Variants in BMP6 observed in about 807,000 individuals in gnomAD.
BMP6 encodes the protein VG-1-R.
In BMP6, 17 loss-of-function variants were observed where a neutral mutation model predicts 54.1. The observed-to-expected ratio is 0.31, with a 90% CI of 0.22 to 0.47. BMP6 has a LOEUF of 0.47. Ranked by LOEUF, BMP6 falls within the 20% of genes least tolerant of loss-of-function variation. The pLI is 1.00. For missense variants in BMP6, 720 were observed against 690.4 expected (o/e 1.04, Z -0.48); for synonymous variants, 328 against 291.2 (o/e 1.13, Z -1.28).
chr6:7,849,141 C>T (rs1280397505), intron 2 of BMP6, among the ~76,000 whole-genome samples: 1 of 152,194 alleles, frequency 6.6e-6, no homozygotes, highest in African/African-American at 2.4e-5. Context: ...GACACATCCT[C>T]ACACCTCCAT....
intron 2 of BMP6, among the ~76,000 whole-genome samples, chr6:7,847,546 G>A (rs765255823): frequency 2.0e-5 from 3 of 152,206 alleles, no homozygotes; most frequent in Admixed American, 1.3e-4. Context: ...CTGTGTTTAA[G>A]TGAAATTTGT....
chr6:7,818,583 T>G (rs552902225), intron 1 of BMP6, among the ~76,000 whole-genome samples: 3 of 152,380 alleles, frequency 2.0e-5, no homozygotes, highest in African/African-American at 7.2e-5. Context: ...CTTTTCCTGC[T>G]AGACGGTGTT....
chr6:7,763,942 T>C, intron 1 of BMP6, among the ~76,000 whole-genome samples: 1 of 152,174 alleles, frequency 6.6e-6, no homozygotes, highest in Non-Finnish European at 1.5e-5. Context: ...AAAAACTCCG[T>C]TGGATCAAGC....
chr6:7,773,868 C>T (rs1488717060), intron 1 of BMP6, among the ~76,000 whole-genome samples: 1 of 152,162 alleles, frequency 6.6e-6, no homozygotes, highest in Admixed American at 6.5e-5. Flanking sequence ...TCTCCCTCTT[C>T]TGAGTGAGCC....
intron 1 of BMP6, among the ~76,000 whole-genome samples, chr6:7,738,956 C>T (rs949191862): frequency 6.6e-6 from 1 of 152,132 alleles, no homozygotes; most frequent in African/African-American, 2.4e-5. Flanking sequence ...CTTTGTACAT[C>T]CTTAAGAATG....
intron 1 of BMP6, among the ~76,000 whole-genome samples, chr6:7,779,182 G>A (rs1757903620): frequency 6.6e-6 from 1 of 152,206 alleles, no homozygotes; most frequent in African/African-American, 2.4e-5. Context: ...AATATTTGTG[G>A]TGGGTGCCCA....
intron 1 of BMP6, among the ~76,000 whole-genome samples, chr6:7,795,468 G>A (rs112499696): frequency 0.013 from 2,036 of 152,316 alleles, 24 homozygotes; most frequent in Admixed American, 0.024. Flanking sequence ...GATCCCCAAG[G>A]CAGAGGGATG....
chr6:7,746,152 G>C (rs536663218), intron 1 of BMP6, among the ~76,000 whole-genome samples: 1 of 152,114 alleles, frequency 6.6e-6, no homozygotes, highest in African/African-American at 2.4e-5. Flanking sequence ...TGCTGCGGGA[G>C]CCCTGAGAGG....
At chr6:7,868,865 TCTCTCC>T (rs1330387234) in intron 4 of BMP6, among the ~76,000 whole-genome samples, 1 of 151,890 alleles carries the variant, frequency 6.6e-6, no homozygotes, top group African/African-American at 2.4e-5. Context: ...CCTGCCCACC[TCTCTCC>T]CTCTCCCTCC....
intron 4 of BMP6, among the ~76,000 whole-genome samples, chr6:7,869,358 C>T (rs903172240): frequency 1.6e-4 from 24 of 152,360 alleles, no homozygotes; most frequent in African/African-American, 4.8e-4. Flanking sequence ...TCGCTGTGTG[C>T]GTGGCTCTTC....
intron 2 of BMP6, among the ~76,000 whole-genome samples, chr6:7,856,595 ATT>A (rs70982115): frequency 0.36 from 30,059 of 82,864 alleles, 5,310 homozygotes; most frequent in South Asian, 0.61. Flanking sequence ...TATCAAGAGC[ATT>A]TTTTTTTTTT....
chr6:7,756,562 A>G (rs1259170028), intron 1 of BMP6, among the ~76,000 whole-genome samples: 1 of 152,138 alleles, frequency 6.6e-6, no homozygotes, highest in Non-Finnish European at 1.5e-5. Flanking sequence ...TGAGCATGCA[A>G]AGATGCTGTG....
intron 2 of BMP6, among the ~76,000 whole-genome samples, chr6:7,852,173 C>T (rs1487198163): frequency 2.0e-5 from 3 of 152,182 alleles, no homozygotes; most frequent in Non-Finnish European, 2.9e-5. Flanking sequence ...AAAATATGGC[C>T]AAATCACCTT....
intron 2 of BMP6, among the ~76,000 whole-genome samples, chr6:7,851,417 A>G (rs1759140314): frequency 6.6e-6 from 1 of 152,236 alleles, no homozygotes; most frequent in Non-Finnish European, 1.5e-5. Context: ...TTGCTCACAT[A>G]TAGCATACCA....
Position 7,786,770 on chromosome 6 carries a change from G to A in BMP6, c.665-58370G>A, listed in dbSNP as rs150412254. Among the ~76,000 whole-genome samples the A allele has an allele frequency of 1.3e-3, 201 of 152,166 alleles. 3 individuals are homozygous for A. Among genetic ancestry groups the A allele is most frequent in the African/African-American group, 4.5e-3 (187 of 41,518 alleles). On this transcript the variant is annotated intron_variant, in intron 1 of 6. Transcript: ENST00000283147. Reference sequence around the variant, plus strand: ...TTGACTTATAATGTATGTCTCCCTCGGAACATCAGGTAGAAAAGCCCCATG... The same window carrying A: ...TTGACTTATAATGTATGTCTCCCTCAGAACATCAGGTAGAAAAGCCCCATG...
At chr6:7,740,138 C>T (rs1283214790) in intron 1 of BMP6, among the ~76,000 whole-genome samples, 1 of 152,080 alleles carries the variant, frequency 6.6e-6, no homozygotes, top group African/African-American at 2.4e-5. Flanking sequence ...GGATGATGGG[C>T]AGGTACCAGG....
chr6:7,873,140 A>G (rs1399877707), intron 4 of BMP6, among the ~76,000 whole-genome samples: 1 of 152,170 alleles, frequency 6.6e-6, no homozygotes, highest in Non-Finnish European at 1.5e-5. Flanking sequence ...GAGTTAGCAC[A>G]GGCCCAAGTG....
intron 1 of BMP6, 149 bp downstream of exon 1, chr6:7,727,768 C>T (rs536472772): frequency 4.0e-6 from 4 of 1,008,164 alleles, no homozygotes; most frequent in Non-Finnish European, 5.3e-6. Context: ...GGCTGTGCTC[C>T]CGCCACCTGC....
At chr6:7,782,252 C>T (rs1363217321) in intron 1 of BMP6, among the ~76,000 whole-genome samples, 1 of 142,886 alleles carries the variant, frequency 7.0e-6, no homozygotes, top group African/African-American at 2.5e-5. Flanking sequence ...AAGCCCCCCA[C>T]ACCAGATTGG....
Sources: gnomAD v4.1 joint callset for allele counts (sites outside exome capture counted in the v4.1 genomes callset) on GRCh38, gnomAD v4.1.1 for gene constraint, MANE v1.5 for transcripts, NCBI Gene and HGNC (gene_info 2026-07-23, HGNC 2026-07-21) for gene names.